Variants in ARFGEF3 observed in about 807,000 individuals in gnomAD.
ARFGEF3 encodes ARFGEF family member 3, also known as brefeldin A-inhibited guanine nucleotide-exchange protein 3.
In ARFGEF3, 96 loss-of-function variants were observed where a neutral mutation model predicts 221.7. The observed-to-expected ratio is 0.43, with a 90% confidence interval of 0.37 to 0.51. The LOEUF (loss-of-function observed/expected upper bound fraction) is 0.51, where lower values mean the gene tolerates loss of function less well. ARFGEF3 is among the 20% of genes least tolerant of loss of function. The pLI is 0.00. For synonymous variants in ARFGEF3, 1,145 were observed against 1,126.8 expected (o/e 1.02, Z -0.32); for missense variants, 2,410 against 2,789.9 (o/e 0.86, Z 3.07).
chr6:138,324,012 T>C lies in ARFGEF3; in HGVS notation c.4870-11T>C. On this transcript the variant is annotated splice_polypyrimidine_tract_variant and intron_variant, in intron 30 of 33. Coordinates refer to ENST00000251691, the MANE Select transcript of ARFGEF3 (RefSeq NM_020340.5). ...GGATGCATTCAGTGAGCATCTGCTGTTTCTCCCCAGGACCTGCTGGGCTGC... is the reference window on the plus strand; with the variant it reads ...GGATGCATTCAGTGAGCATCTGCTGCTTCTCCCCAGGACCTGCTGGGCTGC... 6.2e-7 allele frequency: 1 copy of C among 1,611,652 alleles called. No individual in the cohort carries two copies.
chr6:138,205,984 A>G (rs1170220089), intron 2 of ARFGEF3, among the ~76,000 whole-genome samples: 2 of 152,240 alleles, frequency 1.3e-5, no homozygotes, highest in East Asian at 3.8e-4. Context: ...ATTGTGTTCT[A>G]CAGCAGTAAC....
In ARFGEF3 at chr6:138,207,113, C is replaced by T; in HGVS notation, c.209C>T (p.Ala70Val). ...KNVKLAQHAL[A>V]GMQKLLSEER... ...GTGAAGCTGGCCCAACATGCTTTGG[C>T]AGGGATGCAGGTATGGCTTTGACTG... The change falls in exon 3 of 34, where the codon GCA becomes GTA. Residue 70 changes from alanine to valine, a missense_variant. Ala to Val is a moderately conservative substitution (Grantham distance 64). Around this residue, in one of 5 missense-constraint regions of ARFGEF3, gnomAD observed 570 missense variants for 586.9 expected, o/e 0.97. Coordinates refer to ENST00000251691, the MANE Select transcript of ARFGEF3 (RefSeq NM_020340.5). 6.2e-7 allele frequency: 1 copy of T among 1,609,850 alleles called. No individual in the cohort carries two copies. Among genetic ancestry groups the T allele is most frequent in the Non-Finnish European group, 8.5e-7 (1 of 1,178,154 alleles).
chr6:138,295,603 C>T (rs1355582271), intron 20 of ARFGEF3, among the ~76,000 whole-genome samples: 4 of 145,990 alleles, frequency 2.7e-5, no homozygotes, highest in African/African-American at 1.0e-4. Context: ...GCACTCCAGC[C>T]TGGGCGACAG....
Position 138,337,995 on chromosome 6 carries a change from T to C in ARFGEF3, c.*1509T>C, listed in dbSNP as rs1399434024. On this transcript the variant is annotated 3_prime_UTR_variant, in exon 34 of 34. Coordinates refer to ENST00000251691, the MANE Select transcript of ARFGEF3 (RefSeq NM_020340.5). The stretch of plus-strand genomic sequence containing the variant: ...TAAACTTTGCCCTCCTTGAGAAATA[T>C]GGAACTACCTTAGAGGTTAAGAGGA... 6.6e-6 allele frequency: 1 copy of C among 152,218 alleles called. No individual in the cohort carries two copies. Among genetic ancestry groups the C allele is most frequent in the East Asian group, 1.9e-4 (1 of 5,194 alleles). The allele number at this position is 152,218 out of a possible 1,614,324, so 9.4% of individuals were successfully genotyped here. A position where few individuals can be genotyped will look rare whatever the true frequency, so the allele number is the denominator to read the frequency against.
intron 5 of ARFGEF3, 83 bp from the exon 6 acceptor site, chr6:138,238,426 A>G: frequency 7.0e-7 from 1 of 1,429,894 alleles, no homozygotes; most frequent in Non-Finnish European, 9.5e-7. Flanking sequence ...GGGATTTGAT[A>G]TCCTCTCTGG....
chr6:138,258,620 A>G (rs2114583169), intron 10 of ARFGEF3, among the ~76,000 whole-genome samples: 1 of 152,338 alleles, frequency 6.6e-6, no homozygotes, highest in South Asian at 2.1e-4. Context: ...ATTGTTTCAC[A>G]ATAGAATGGG....
chr6:138,166,596 G>A (rs946066520), intron 1 of ARFGEF3, among the ~76,000 whole-genome samples: 2 of 152,180 alleles, frequency 1.3e-5, no homozygotes, highest in African/African-American at 4.8e-5. Flanking sequence ...GAGTAGAAAG[G>A]AATGAATTGG....
chr6:138,335,231 T>TCCTC (rs759488971), intron 33 of ARFGEF3, 43 bp downstream of exon 33: 53 of 1,487,894 alleles, frequency 3.6e-5, no homozygotes, highest in Middle Eastern at 4.4e-4. Context: ...AGGCTGGGTT[T>TCCTC]CCAGTACTGG....
At chr6:138,235,359 A>G (rs1307632468) in intron 5 of ARFGEF3, among the ~76,000 whole-genome samples, 4 of 152,184 alleles carry the variant, frequency 2.6e-5, no homozygotes, top group Non-Finnish European at 4.4e-5. Flanking sequence ...TCAGGTGCCT[A>G]TAGGGCTTTT....
intron 2 of ARFGEF3, among the ~76,000 whole-genome samples, chr6:138,204,729 G>A (rs754457326): frequency 1.3e-5 from 2 of 152,168 alleles, no homozygotes; most frequent in Non-Finnish European, 2.9e-5. Flanking sequence ...TATGGATAAG[G>A]GAGCTAAGAC....
chr6:138,174,388 T>G (rs1776895766), intron 2 of ARFGEF3, among the ~76,000 whole-genome samples: 1 of 147,614 alleles, frequency 6.8e-6, no homozygotes. Flanking sequence ...TGATTCCTCT[T>G]CCAGGCACTT....
At chr6:138,331,154 T>C (rs1780220253) in intron 32 of ARFGEF3, among the ~76,000 whole-genome samples, 1 of 152,250 alleles carries the variant, frequency 6.6e-6, no homozygotes, top group African/African-American at 2.4e-5. Context: ...CCTTATGTTA[T>C]TGGTTTTAAA....
chr6:138,220,562 G>T (rs1004991126), intron 4 of ARFGEF3, among the ~76,000 whole-genome samples: 9 of 152,152 alleles, frequency 5.9e-5, no homozygotes, highest in Admixed American at 1.3e-4. Flanking sequence ...AATGCATCCT[G>T]CATTCTACTG....
intron 14 of ARFGEF3, among the ~76,000 whole-genome samples, chr6:138,281,538 T>G (rs1174056399): frequency 6.6e-6 from 1 of 152,184 alleles, no homozygotes; most frequent in East Asian, 1.9e-4. Flanking sequence ...AGTGTTTAGC[T>G]CCCGCTTACA....
intron 13 of ARFGEF3, 138 bp from the exon 14 acceptor site, chr6:138,279,861 A>G (rs1779164747): frequency 2.7e-6 from 2 of 741,840 alleles, no homozygotes; most frequent in East Asian, 2.6e-5. Context: ...ACTTCTCCCC[A>G]CTTGCCGCCC....
intron 4 of ARFGEF3, among the ~76,000 whole-genome samples, chr6:138,218,820 T>TGGGGCATA (rs1321044431): frequency 6.6e-6 from 1 of 152,158 alleles, no homozygotes; most frequent in Non-Finnish European, 1.5e-5. Flanking sequence ...GGGTGTTATC[T>TGGGGCATA]GGGGCATACC....
In ARFGEF3 at chr6:138,336,596, G is replaced by A. The variant is rs1208185849; in HGVS notation, c.*110G>A. The A allele has an allele frequency of 9.6e-6, 8 of 836,738 alleles. No homozygotes were observed. The highest frequency in any genetic ancestry group is 1.4e-5 in the Non-Finnish European group (8 of 554,708). 51.8% of individuals were successfully genotyped at this position (836,738 alleles called of 1,614,324 possible). ...TAGCCCCACTTAAACTACTACTACTGTCTCAGAGAACAGTGTTTCCTAATG... is the reference window on the plus strand; with the variant it reads ...TAGCCCCACTTAAACTACTACTACTATCTCAGAGAACAGTGTTTCCTAATG... On this transcript the variant is annotated 3_prime_UTR_variant, in exon 34 of 34. Coordinates refer to ENST00000251691, the MANE Select transcript of ARFGEF3 (RefSeq NM_020340.5).
Position 138,166,862 on chromosome 6 carries a change from T to C in ARFGEF3, c.86-3800T>C, listed in dbSNP as rs1776733308. Among the ~76,000 whole-genome samples, 6 of 152,174 alleles carry C rather than the reference T, an allele frequency of 3.9e-5. No individual in the cohort carries two copies. The South Asian group carries it at 1.2e-3, about 32-fold the overall frequency. ...GGGAACATCTATCCAACCAGCACCC[T>C]TCTCTCTATCTACCCATCTGCTTTT... On this transcript the variant is annotated intron_variant, in intron 1 of 33. Coordinates refer to ENST00000251691, the MANE Select transcript of ARFGEF3 (RefSeq NM_020340.5).
intron 4 of ARFGEF3, among the ~76,000 whole-genome samples, chr6:138,224,886 T>C (rs1778050750): frequency 6.6e-6 from 1 of 152,232 alleles, no homozygotes; most frequent in African/African-American, 2.4e-5. Context: ...TTGAGCAAAT[T>C]ATATTTCTGT....
Sources: allele counts gnomAD v4.1 joint callset (sites outside exome capture counted in the v4.1 genomes callset), GRCh38; gene constraint gnomAD v4.1.1; regional missense constraint gnomAD v4.1.1; transcripts MANE v1.5; gene names NCBI Gene and HGNC (gene_info 2026-07-23, HGNC 2026-07-21).